The following ACO2 variants were observed in gnomAD, a reference collection of about 807,000 sequenced individuals.
ACO2 encodes the protein aconitate hydratase, mitochondrial.
Under a neutral mutation model 84.5 loss-of-function variants are expected in ACO2, and 31 were observed. The ratio of observed to expected loss-of-function variants is 0.37; its 90% CI spans 0.28 to 0.50. The LOEUF (loss-of-function observed/expected upper bound fraction) is 0.50. Ranked by LOEUF, ACO2 falls within the 20% of genes least tolerant of loss-of-function variation. The pLI, the probability that ACO2 is intolerant of heterozygous loss-of-function variation, is 0.97. For missense variants in ACO2, 685 were observed against 1,029.3 expected (o/e 0.67, Z 4.58); for synonymous variants, 414 against 412.7 (o/e 1.00, Z -0.04).
At chr22:41,493,197 T>C (rs1390840101) in intron 1 of ACO2, among the ~76,000 whole-genome samples, 2 of 152,196 alleles carry the variant, frequency 1.3e-5, no homozygotes, top group Admixed American at 6.5e-5. Context: ...TCTGACCTAA[T>C]CGCCTCTTAA....
chr22:41,488,208 G>A (rs2066245916), intron 1 of ACO2, among the ~76,000 whole-genome samples: 1 of 152,190 alleles, frequency 6.6e-6, no homozygotes, highest in African/African-American at 2.4e-5. Flanking sequence ...GGTGTTCCCA[G>A]TGTCCAATGT....
intron 8 of ACO2, among the ~76,000 whole-genome samples, chr22:41,519,677 G>A (rs1055230980): frequency 6.6e-6 from 1 of 152,018 alleles, no homozygotes; most frequent in Non-Finnish European, 1.5e-5. Flanking sequence ...ACGTGGTGGC[G>A]GGCGCCTGTA....
At chr22:41,498,813 G>T (rs1226094412) in intron 1 of ACO2, among the ~76,000 whole-genome samples, 1 of 152,204 alleles carries the variant, frequency 6.6e-6, no homozygotes, top group East Asian at 1.9e-4. Context: ...GAGGGTAATG[G>T]CTGGGCACGG....
chr22:41,504,586 C>A (rs190563149), intron 2 of ACO2, among the ~76,000 whole-genome samples: 2 of 152,286 alleles, frequency 1.3e-5, no homozygotes, highest in African/African-American at 4.8e-5. Context: ...TGCCCGTACA[C>A]CAGCCTTGGC....
At chr22:41,526,204 G>C in intron 14 of ACO2, 58 bp from the exon 15 acceptor site, 1 of 1,528,316 alleles carries the variant, frequency 6.5e-7, no homozygotes, top group South Asian at 1.2e-5. Flanking sequence ...TGGAGGGCTT[G>C]TCATCCACCC....
chr22:41,522,975 G>C lies in ACO2; in HGVS notation c.1284G>C (p.Glu428Asp). 6.2e-7 allele frequency: 1 copy of C among 1,614,202 alleles called. No homozygotes were observed. The highest frequency in any genetic ancestry group is 8.5e-7 in the Non-Finnish European group (1 of 1,180,040). ...CCGAGCAGATCCGCGCCACCATTGA[G>C]CGGGACGGCTATGTGAGTGCCCATA... Reference protein sequence around the residue: ...PGSEQIRATIERDGYAQILRD... With the variant: ...PGSEQIRATIDRDGYAQILRD... The change falls in exon 10 of 18, where the codon GAG (glutamate) becomes GAC (aspartate). Residue 428 changes from glutamate (E) to aspartate (D), a missense_variant. Around this residue, in one of 5 missense-constraint regions of ACO2, gnomAD observed 311 missense variants for 441.6 expected, o/e 0.70. Coordinates refer to ENST00000216254, the MANE Select transcript of ACO2 (RefSeq NM_001098.3).
chr22:41,477,158 TTATTTA>T (rs1323370275), intron 1 of ACO2, among the ~76,000 whole-genome samples: 161 of 149,914 alleles, frequency 1.1e-3, no homozygotes, highest in African/African-American at 3.8e-3. Context: ...ATTTATTTAT[TTATTTA>T]TTTTTTTGAG....
chr22:41,472,457 G>A (rs1184681148), intron 1 of ACO2, among the ~76,000 whole-genome samples: 3 of 152,168 alleles, frequency 2.0e-5, no homozygotes, highest in Admixed American at 6.6e-5. Context: ...TTAGCAACTG[G>A]CACTATGCTG....
At chr22:41,517,053 C>T (rs2066481502) in intron 6 of ACO2, among the ~76,000 whole-genome samples, 1 of 152,126 alleles carries the variant, frequency 6.6e-6, no homozygotes, top group Non-Finnish European at 1.5e-5. Flanking sequence ...GAGGGCAGGC[C>T]ACCAGGCAGA....
chr22:41,505,135 G>A (rs1312486780), intron 2 of ACO2, among the ~76,000 whole-genome samples: 1 of 152,018 alleles, frequency 6.6e-6, no homozygotes, highest in African/African-American at 2.4e-5. Flanking sequence ...AATGATAACT[G>A]AGAAAGGATG....
At chr22:41,498,706 G>C (rs1050122765) in intron 1 of ACO2, among the ~76,000 whole-genome samples, 9 of 152,236 alleles carry the variant, frequency 5.9e-5, no homozygotes, top group Admixed American at 5.2e-4. Flanking sequence ...GAGCAAGCCA[G>C]GCAGAAGCTG....
chr22:41,494,890 C>T (rs1055056377), intron 1 of ACO2, among the ~76,000 whole-genome samples: 1 of 151,480 alleles, frequency 6.6e-6, no homozygotes, highest in Admixed American at 6.6e-5. Context: ...TCTGCCACCA[C>T]ACCCTGCTAA....
In ACO2 at chr22:41,522,025, G is replaced by A. The variant is rs527640014; in HGVS notation, c.1139-805G>A. Among the ~76,000 whole-genome samples, 4 of 152,238 alleles carry A rather than the reference G, an allele frequency of 2.6e-5. No homozygotes were observed. In the East Asian group the frequency reaches 5.8e-4, roughly 22 times the overall value. On this transcript the variant is annotated intron_variant, in intron 9 of 17. Transcript: ENST00000216254. ...TGACCTCAAGTGATCTGCCTGCCTC[G>A]GCCTCTCAAAGTTGTGGGATTACAG...
rs371163709 is a variant in ACO2, at chr22:41,528,355, T to A, written c.2209-124T>A. 1.1e-5 allele frequency: 15 copies of A among 1,380,432 alleles called. No individual in the cohort carries two copies. The Middle Eastern group carries it at 7.9e-4, about 72-fold the overall frequency. 85.5% of individuals were successfully genotyped at this position (1,380,432 alleles called of 1,614,324 possible). A position where few individuals can be genotyped will look rare whatever the true frequency, so the allele number is the denominator to read the frequency against. Reference sequence around the variant, plus strand: ...CTGGGCCATCAGGCACAGACTGGCCTAGGATTTGGTTTGCCTGCTGACCTC... The same window carrying A: ...CTGGGCCATCAGGCACAGACTGGCCAAGGATTTGGTTTGCCTGCTGACCTC... On this transcript the variant is annotated intron_variant, in intron 17 of 17. Transcript: ENST00000216254.
chr22:41,484,439 C>T (rs193278193), intron 1 of ACO2, among the ~76,000 whole-genome samples: 10 of 152,132 alleles, frequency 6.6e-5, no homozygotes, highest in Non-Finnish European at 1.3e-4. Context: ...GATAGATGTC[C>T]CTGGATGGGC....
At chr22:41,474,516 A>G (rs546769554) in intron 1 of ACO2, among the ~76,000 whole-genome samples, 8 of 146,628 alleles carry the variant, frequency 5.5e-5, no homozygotes, top group African/African-American at 2.1e-4. Context: ...GATGGTCTCA[A>G]TCTCCTGACC....
intron 1 of ACO2, among the ~76,000 whole-genome samples, chr22:41,474,097 T>C (rs1036003454): frequency 6.6e-6 from 1 of 151,922 alleles, no homozygotes. Context: ...ATCCCAGGAA[T>C]GGCAGAGGAG....
chr22:41,523,773 G>A lies in ACO2; in HGVS notation c.1371-57G>A, dbSNP rs2066547529. 2.0e-6 allele frequency: 3 copies of A among 1,471,254 alleles called. No homozygotes were observed. The African/African-American group carries it at 4.2e-5, about 20-fold the overall frequency. The allele number at this position is 1,471,254 out of a possible 1,614,324, so 91.1% of individuals were successfully genotyped here. ...CAGGAACCCAGCTTATCTGTCCTCGGGACAGGCCAGGTGACAAGGCCAGAT... is the reference window on the plus strand; with the variant it reads ...CAGGAACCCAGCTTATCTGTCCTCGAGACAGGCCAGGTGACAAGGCCAGAT... On this transcript the variant is annotated intron_variant, in intron 11 of 17. Coordinates refer to ENST00000216254, the MANE Select transcript of ACO2 (RefSeq NM_001098.3).
chr22:41,525,044 G>A (rs890981863), intron 13 of ACO2, 76 bp downstream of exon 13: 36 of 1,610,226 alleles, frequency 2.2e-5, no homozygotes, highest in Admixed American at 5.0e-5. Flanking sequence ...AGCACCTCCT[G>A]TGCAGGCAGG....
Sources: gnomAD v4.1 joint callset for allele counts (sites outside exome capture counted in the v4.1 genomes callset) on GRCh38, gnomAD v4.1.1 for gene constraint, gnomAD v4.1.1 regional missense constraint, MANE v1.5 for transcripts, NCBI Gene and HGNC (gene_info 2026-07-23, HGNC 2026-07-21) for gene names.